DPP9: variants seen among roughly 807,000 people sequenced by gnomAD.
DPP9 encodes the protein dipeptidyl peptidase IV-related protein-2.
Under a neutral mutation model 110.7 loss-of-function variants are expected in DPP9, and 50 were observed. The ratio of observed to expected loss-of-function variants is 0.45; its 90% CI spans 0.36 to 0.57. The LOEUF (loss-of-function observed/expected upper bound fraction) is 0.57, where lower values mean the gene tolerates loss of function less well. Among genes scored for constraint, DPP9 ranks in the 20% least tolerant of loss-of-function variants. The pLI is 0.00. For synonymous variants in DPP9, 561 were observed against 514.4 expected (o/e 1.09, Z -1.23); for missense variants, 1,022 against 1,217.9 (o/e 0.84, Z 2.39).
At position 4,689,457 on chromosome 19, in the gene DPP9, G is replaced by A; in HGVS notation, c.1749+113C>T. 2 of 1,362,426 alleles carry A rather than the reference G, an allele frequency of 1.5e-6. No homozygotes were observed. The highest frequency in any genetic ancestry group is 2.0e-6 in the Non-Finnish European group (2 of 1,017,730). 84.4% of individuals were successfully genotyped at this position (1,362,426 alleles called of 1,614,324 possible). A position where few individuals can be genotyped will look rare whatever the true frequency, so the allele number is the denominator to read the frequency against. ...ACTGCCTGCCCCAAGGCAGCTATGA[G>A]AATGCGAGACCATGAGAATGACCCT... is the stretch of plus-strand genomic sequence containing the variant. On this transcript the variant is annotated intron_variant, in intron 15 of 21. Transcript: ENST00000262960. The surrounding 1 kb of genome is among the most constrained non-coding windows in gnomAD (Gnocchi z 7.0).
At chr19:4,686,587 T>G (rs2090757181) in intron 16 of DPP9, among the ~76,000 whole-genome samples, 1 of 152,168 alleles carries the variant, frequency 6.6e-6, no homozygotes, top group African/African-American at 2.4e-5. Context: ...CCCAAAGTGC[T>G]GGGATTACAG....
rs114951018 is a variant in DPP9, at chr19:4,713,456, C to T, written c.313+625G>A. ...GCCCAGTCCCGTGAGGCACTGCAGACGCTGCAGGAGGAGCTGCGTGCAGGC... is the reference window on the plus strand; with the variant it reads ...GCCCAGTCCCGTGAGGCACTGCAGATGCTGCAGGAGGAGCTGCGTGCAGGC... On this transcript the variant is annotated intron_variant, in intron 4 of 21. Coordinates refer to ENST00000262960, the MANE Select transcript of DPP9 (RefSeq NM_139159.5). Among the ~76,000 whole-genome samples, 419 of 152,354 alleles carry T rather than the reference C, an allele frequency of 2.8e-3. 1 individual carries two copies. Among genetic ancestry groups the T allele is most frequent in the African/African-American group, 9.8e-3 (407 of 41,584 alleles).
intron 11 of DPP9, among the ~76,000 whole-genome samples, chr19:4,696,967 C>T (rs1332803703): frequency 1.3e-5 from 2 of 152,074 alleles, no homozygotes; most frequent in South Asian, 2.1e-4. Context: ...GGCATAGTGG[C>T]GAGTACCTAT....
rs900698711 is a variant in DPP9 at position 4,684,777 on chromosome 19, G to C, written c.2064C>G (p.Ile688Met). ...CCAGTGTGTTGAGCCGCAAGTACTT[G>C]ATGCCTTTGAAGGAGTTATTCACCA... ...VQLVNNSFKG[I>M]KYLRLNTLAS... Residue 688 changes from isoleucine (I) to methionine (M), a missense_variant, in exon 18 of 22, where the codon ATC (isoleucine) becomes ATG (methionine). By Grantham distance (10) the Ile-to-Met change is conservative (BLOSUM62 1). Transcript: ENST00000262960. This position sits in a 1 kb window ranked among gnomAD's most constrained non-coding sequence, Gnocchi z 4.8. 4 of 1,601,152 alleles carry C rather than the reference G, an allele frequency of 2.5e-6. No individual in the cohort carries two copies. Among genetic ancestry groups the C allele is most frequent in the Non-Finnish European group, 3.4e-6 (4 of 1,174,386 alleles).
chr19:4,683,283 G>A (rs2090184035), intron 19 of DPP9, 194 bp downstream of exon 19: 2 of 1,438,254 alleles, frequency 1.4e-6, no homozygotes, highest in African/African-American at 1.4e-5. Flanking sequence ...TGCGGTCGGC[G>A]GTGGCGGGCA....
Position 4,714,321 on chromosome 19 carries a change from C to A in DPP9, c.73G>T (p.Glu25Ter). The A allele has an allele frequency of 1.3e-6, 2 of 1,505,976 alleles. No homozygotes were observed. The highest frequency in any genetic ancestry group is 2.2e-5 in the Admixed American group (1 of 45,002). 93.3% of individuals were successfully genotyped at this position (1,505,976 alleles called of 1,614,324 possible). A position where few individuals can be genotyped will look rare whatever the true frequency, so the allele number is the denominator to read the frequency against. The change falls in exon 4 of 22, where the codon GAG (glutamate) becomes TAG (stop). Residue 25 changes from glutamate (E) to a stop codon, truncating the protein, a stop_gained. Coordinates refer to ENST00000262960, the MANE Select transcript of DPP9 (RefSeq NM_139159.5). LOFTEE classifies it high-confidence loss of function. ...GSWRSFSLNSEGAERMATTGT... is the reference protein window; with the variant it reads ...GSWRSFSLNS ...GTGGTGGCCATCCTCTCAGCCCCCT[C>A]GGAATTCAGCGAGAAGCTGCGGGGA...
chr19:4,694,496 G>A lies in DPP9; in HGVS notation c.1516+165C>T. On this transcript the variant is annotated intron_variant, in intron 13 of 21. Coordinates refer to ENST00000262960, the MANE Select transcript of DPP9 (RefSeq NM_139159.5). This position sits in a 1 kb window ranked among gnomAD's most constrained non-coding sequence, Gnocchi z 4.0. ...CCAACAGTTGGGTGCTCTAAGCCCT[G>A]CCAGATCATGCAGTCACTGGGGAAG... is the stretch of plus-strand genomic sequence containing the variant. 1 of 873,486 alleles carries A rather than the reference G, an allele frequency of 1.1e-6. No individual in the cohort carries two copies. 54.1% of individuals were successfully genotyped at this position (873,486 alleles called of 1,614,324 possible). A position where few individuals can be genotyped will look rare whatever the true frequency, so the allele number is the denominator to read the frequency against.
At position 4,697,546 on chromosome 19, in the gene DPP9, CT is replaced by C; in HGVS notation, c.1175+4del. On this transcript the variant is annotated splice_donor_region_variant and intron_variant, in intron 11 of 21. Transcript: ENST00000262960. ...ATTCCTTGGGTTCCAGCCAGAGACA[CT>C]CACTATTTGCCATCCCGGGTCCACC... 6.2e-7 allele frequency: 1 copy of C among 1,612,112 alleles called. No individual in the cohort carries two copies. Among genetic ancestry groups the C allele is most frequent in the Non-Finnish European group, 8.5e-7 (1 of 1,178,660 alleles).
chr19:4,705,585 T>C (rs984482537), intron 5 of DPP9, among the ~76,000 whole-genome samples: 3 of 152,250 alleles, frequency 2.0e-5, no homozygotes, highest in Non-Finnish European at 4.4e-5. Context: ...TTAACCAGTC[T>C]CTCTAAAAGG....
At chr19:4,720,918 C>T (rs1354354508) in intron 2 of DPP9, among the ~76,000 whole-genome samples, 1 of 152,244 alleles carries the variant, frequency 6.6e-6, no homozygotes, top group Non-Finnish European at 1.5e-5. Flanking sequence ...TCCTGGGATT[C>T]ACCTCCTTTC....
At position 4,676,456 on chromosome 19, in the gene DPP9, G is replaced by A; in HGVS notation, c.*108C>T. On this transcript the variant is annotated 3_prime_UTR_variant, in exon 22 of 22. Coordinates refer to ENST00000262960, the MANE Select transcript of DPP9 (RefSeq NM_139159.5). The surrounding 1 kb of genome is among the most constrained non-coding windows in gnomAD (Gnocchi z 4.0). The stretch of plus-strand genomic sequence containing the variant: ...CTCGGGGCTGGCCAGCGCTGGGCGG[G>A]ACAAAGTGCCTCACTGGGGCCCGCG... 1 of 975,406 alleles carries A rather than the reference G, an allele frequency of 1.0e-6. No individual in the cohort carries two copies. The highest frequency in any genetic ancestry group is 2.0e-5 in the Admixed American group (1 of 49,404). The allele number at this position is 975,406 out of a possible 1,614,324, so 60.4% of individuals were successfully genotyped here. A position where few individuals can be genotyped will look rare whatever the true frequency, so the allele number is the denominator to read the frequency against.
At chr19:4,711,184 T>A (rs1037315264) in intron 4 of DPP9, among the ~76,000 whole-genome samples, 2 of 152,160 alleles carry the variant, frequency 1.3e-5, no homozygotes, top group Non-Finnish European at 2.9e-5. Flanking sequence ...CAGGCGCTGC[T>A]TCCTGAGGTC....
chr19:4,697,354 A>G (rs1484261556), intron 11 of DPP9, among the ~76,000 whole-genome samples, 197 bp downstream of exon 11: 3 of 152,312 alleles, frequency 2.0e-5, no homozygotes, highest in Admixed American at 6.5e-5. Flanking sequence ...TCATAAGTCC[A>G]GTGTTTCATC....
chr19:4,685,922 T>G lies in DPP9; in HGVS notation c.1886-151A>C, dbSNP rs1404471051. The G allele has an allele frequency of 7.3e-6, 6 of 824,740 alleles. No homozygotes were observed. The highest frequency in any genetic ancestry group is 2.7e-5 in the East Asian group (1 of 36,396). 51.1% of individuals were successfully genotyped at this position (824,740 alleles called of 1,614,324 possible). ...GAGAGTTGATAATTGAAAAAAACGT[T>G]TTTTTTTCATTAAATAAGATTTGTA... is the stretch of plus-strand genomic sequence containing the variant. On this transcript the variant is annotated intron_variant, in intron 16 of 21. Coordinates refer to ENST00000262960, the MANE Select transcript of DPP9 (RefSeq NM_139159.5). This position sits in a 1 kb window ranked among gnomAD's most constrained non-coding sequence, Gnocchi z 5.8.
In DPP9 at chr19:4,685,920, G is replaced by GT. The variant is rs996660172; in HGVS notation, c.1886-150dup. 3.1e-3 allele frequency: 2,600 copies of GT among 844,916 alleles called. 1 individual carries two copies. The highest frequency in any genetic ancestry group is 4.2e-3 in the Middle Eastern group (11 of 2,638). The allele number at this position is 844,916 out of a possible 1,614,324, so 52.3% of individuals were successfully genotyped here. A position where few individuals can be genotyped will look rare whatever the true frequency, so the allele number is the denominator to read the frequency against. ...CCGAGAGTTGATAATTGAAAAAAAC[G>GT]TTTTTTTTTCATTAAATAAGATTTG... is the stretch of plus-strand genomic sequence containing the variant. On this transcript the variant is annotated intron_variant, in intron 16 of 21. Coordinates refer to ENST00000262960, the MANE Select transcript of DPP9 (RefSeq NM_139159.5). The surrounding 1 kb of genome is among the most constrained non-coding windows in gnomAD (Gnocchi z 5.8).
At position 4,694,680 on chromosome 19, in the gene DPP9, C is replaced by T; in HGVS notation, c.1497G>A (p.Glu499=). 6.2e-7 allele frequency: 1 copy of T among 1,612,148 alleles called. No homozygotes were observed. Among genetic ancestry groups the T allele is most frequent in the Non-Finnish European group, 8.5e-7 (1 of 1,179,122 alleles). The change falls in exon 13 of 22, where the codon GAG becomes GAA. Residue 499 remains glutamate, a synonymous_variant. Coordinates refer to ENST00000262960, the MANE Select transcript of DPP9 (RefSeq NM_139159.5). The surrounding 1 kb of genome is among the most constrained non-coding windows in gnomAD (Gnocchi z 4.0). ...VLKSQGYDWS[E]PFSPGEDEFK... ...GCTCACCTTCCCCGGGGCTGAAGGG[C>T]TCACTCCAATCGTAGCCCTGGGATT...
chr19:4,680,281 T>G (rs1274244028), intron 20 of DPP9, among the ~76,000 whole-genome samples: 6 of 148,148 alleles, frequency 4.1e-5, no homozygotes, highest in African/African-American at 1.5e-4. Flanking sequence ...GTGGTGCGCC[T>G]GTAAGTCCAG....
chr19:4,722,625 C>A (rs532750756), intron 1 of DPP9, 74 bp from the exon 2 acceptor site: 1 of 698,694 alleles, frequency 1.4e-6, no homozygotes, highest in South Asian at 1.5e-5. Context: ...CTCCCCCACT[C>A]AGGAGCTGCA....
intron 11 of DPP9, 86 bp downstream of exon 11, chr19:4,697,465 C>T (rs1214830429): frequency 3.0e-5 from 35 of 1,167,462 alleles, no homozygotes; most frequent in Middle Eastern, 4.0e-4. Flanking sequence ...AGGAATGGCA[C>T]GGAAGGCCAG....
Sources: allele counts gnomAD v4.1 joint callset (sites outside exome capture counted in the v4.1 genomes callset), GRCh38; gene constraint gnomAD v4.1.1; non-coding constraint Gnocchi (gnomAD v3.1); transcripts MANE v1.5; gene names NCBI Gene and HGNC (gene_info 2026-07-23, HGNC 2026-07-21).